Variants in TXNDC11 observed in about 807,000 individuals in gnomAD.
TXNDC11 encodes thioredoxin domain containing 11.
In TXNDC11, 68 loss-of-function variants were observed where a neutral mutation model predicts 78.0. The ratio of observed to expected loss-of-function variants is 0.87; its 90% CI spans 0.72 to 1.07. The LOEUF (loss-of-function observed/expected upper bound fraction) is 1.07, where lower values mean the gene tolerates loss of function less well. TXNDC11 is among the 50% of genes least tolerant of loss of function. TXNDC11 has a pLI of 0.00. For synonymous variants in TXNDC11, 571 were observed against 495.2 expected, an observed-to-expected ratio of 1.15 and a Z score of -2.03; for missense variants, 1,389 against 1,221.8, an observed-to-expected ratio of 1.14 and a Z score of -2.04.
At chr16:11,738,823 T>C (rs2052306457) in intron 1 of TXNDC11, among the ~76,000 whole-genome samples, 1 of 148,814 alleles carries the variant, frequency 6.7e-6, no homozygotes, top group Non-Finnish European at 1.5e-5. Flanking sequence ...AGGTCAGGAG[T>C]TTAAGACCAG....
intron 9 of TXNDC11, 97 bp from the exon 10 acceptor site, chr16:11,688,063 T>C: frequency 2.0e-6 from 2 of 1,017,660 alleles, no homozygotes; most frequent in Non-Finnish European, 3.0e-6. Context: ...ACCCGAAAAA[T>C]GCTACCTATG....
At chr16:11,683,474 ACAAG>A (rs1266903430) in intron 11 of TXNDC11, among the ~76,000 whole-genome samples, 1 of 152,208 alleles carries the variant, frequency 6.6e-6, no homozygotes, top group Non-Finnish European at 1.5e-5. Context: ...CAACTGAGAG[ACAAG>A]CAAGTGGAAG....
chr16:11,742,499 G>C lies in TXNDC11; in HGVS notation c.232C>G (p.Leu78Val). The C allele has an allele frequency of 1.4e-6, 2 of 1,453,248 alleles. No homozygotes were observed. The highest frequency in any genetic ancestry group is 2.7e-5 in the South Asian group (2 of 74,528). The allele number at this position is 1,453,248 out of a possible 1,614,324, so 90.0% of individuals were successfully genotyped here. The change falls in exon 1 of 12, where the codon CTC (leucine) becomes GTC (valine). Residue 78 changes from leucine (L) to valine (V), a missense_variant. Coordinates refer to ENST00000283033, the MANE Select transcript of TXNDC11 (RefSeq NM_015914.7). Reference sequence around the variant, plus strand: ...CACCTGCAGGTGAACTTGAGGGCGAGGAGCAGCGCGCAGCCGAGCGCCACG... The same window carrying C: ...CACCTGCAGGTGAACTTGAGGGCGACGAGCAGCGCGCAGCCGAGCGCCACG... ...GAVALGCALL[L>V]ALKFTCSRAK... is the part of the protein sequence containing the mutation.
In TXNDC11 at chr16:11,700,259, C is replaced by A. The variant is rs373829172; in HGVS notation, c.906+193G>T. ...TTTCTATACATTAATTTCAAGAGCC[C>A]TCTAATGCATGGGTTCTTAACCTGG... On this transcript the variant is annotated intron_variant, in intron 6 of 11. Transcript: ENST00000283033. Among the ~76,000 whole-genome samples the A allele has an allele frequency of 6.0e-4, 91 of 152,240 alleles. 1 individual carries two copies. The South Asian group carries it at 7.0e-3, about 12-fold the overall frequency.
chr16:11,692,133 A>G (rs2050739718), intron 7 of TXNDC11, 51 bp from the exon 8 acceptor site: 1 of 1,409,392 alleles, frequency 7.1e-7, no homozygotes, highest in East Asian at 2.3e-5. Flanking sequence ...CTGAGGGACT[A>G]GCACCCCGTT....
At chr16:11,716,084 A>G (rs4780395) in intron 5 of TXNDC11, among the ~76,000 whole-genome samples, 91,397 of 152,088 alleles carry the variant, frequency 0.6, 28,173 homozygotes, top group African/African-American at 0.71. Flanking sequence ...ATAAACAAAC[A>G]CAAACACAGA....
At chr16:11,686,789 T>C (rs2050577778) in intron 10 of TXNDC11, among the ~76,000 whole-genome samples, 1 of 152,248 alleles carries the variant, frequency 6.6e-6, no homozygotes, top group South Asian at 2.1e-4. Flanking sequence ...AGCCATCTTC[T>C]AAACCATTTT....
intron 5 of TXNDC11, among the ~76,000 whole-genome samples, chr16:11,702,252 T>A (rs1048616399): frequency 6.6e-6 from 1 of 151,896 alleles, no homozygotes; most frequent in African/African-American, 2.4e-5. Context: ...TTTCATGGAG[T>A]ATAATATTTG....
Position 11,730,512 on chromosome 16 carries a change from G to T in TXNDC11, c.699+133C>A, listed in dbSNP as rs905710391. The T allele has an allele frequency of 2.2e-5, 19 of 873,838 alleles. No homozygotes were observed. The African/African-American group carries it at 2.7e-4, about 12-fold the overall frequency. 54.1% of individuals were successfully genotyped at this position (873,838 alleles called of 1,614,324 possible). A position where few individuals can be genotyped will look rare whatever the true frequency, so the allele number is the denominator to read the frequency against. On this transcript the variant is annotated intron_variant, in intron 4 of 11. Coordinates refer to ENST00000283033, the MANE Select transcript of TXNDC11 (RefSeq NM_015914.7). ...AGTATCTCAAAAAGCATTTAACTGG[G>T]GCTGATCTATCACATGACCTTTTAC...
intron 5 of TXNDC11, among the ~76,000 whole-genome samples, chr16:11,704,499 G>C (rs1286960306): frequency 1.3e-5 from 2 of 152,156 alleles, no homozygotes; most frequent in African/African-American, 2.4e-5. Flanking sequence ...CTTTTCAGTG[G>C]AGAAACACAG....
chr16:11,728,726 G>T (rs910315056), intron 4 of TXNDC11, among the ~76,000 whole-genome samples: 1 of 152,066 alleles, frequency 6.6e-6, no homozygotes, highest in Non-Finnish European at 1.5e-5. Context: ...CAGAACGATC[G>T]CTTGAGCCGA....
intron 5 of TXNDC11, among the ~76,000 whole-genome samples, chr16:11,713,259 G>A (rs1354873318): frequency 2.7e-5 from 4 of 148,472 alleles, no homozygotes; most frequent in Non-Finnish European, 5.9e-5. Flanking sequence ...TCCAGCCTGG[G>A]CACAGAGTGA....
In TXNDC11 at chr16:11,691,897, C is replaced by T; in HGVS notation, c.1293G>A (p.Gln431=). 1 of 1,614,170 alleles carries T rather than the reference C, an allele frequency of 6.2e-7. No homozygotes were observed. Among genetic ancestry groups the T allele is most frequent in the Non-Finnish European group, 8.5e-7 (1 of 1,179,976 alleles). The change falls in exon 8 of 12, where the codon CAG becomes CAA. Residue 431 remains glutamine (Q), a synonymous_variant. Transcript: ENST00000283033. The stretch of plus-strand genomic sequence containing the variant: ...TGTGGGTCCTGGAGAAGGAGTGCCA[C>T]TGGGGCAGCACCACAGTGTTGCAGC... ...SPCCNTVVLP[Q]WHSFSRTHNV...
Position 11,703,549 on chromosome 16 carries a change from G to A in TXNDC11, c.794-2985C>T, listed in dbSNP as rs567083281. On this transcript the variant is annotated intron_variant, in intron 5 of 11. Coordinates refer to ENST00000283033, the MANE Select transcript of TXNDC11 (RefSeq NM_015914.7). ...ACACACACACACACACACACAGAGG[G>A]AGAGAGAGGGGATGGATAGAGAAAT... 1.5e-4 allele frequency: 89 copies of A among 589,828 alleles called. 1 individual carries two copies. The South Asian group carries it at 1.7e-3, about 11-fold the overall frequency. The allele number at this position is 589,828 out of a possible 1,614,324, so 36.5% of individuals were successfully genotyped here. A position where few individuals can be genotyped will look rare whatever the true frequency, so the allele number is the denominator to read the frequency against.
chr16:11,713,110 GAAA>G (rs35333554), intron 5 of TXNDC11, among the ~76,000 whole-genome samples: 10,709 of 111,748 alleles, frequency 0.096, 532 homozygotes, highest in East Asian at 0.17. Context: ...TCTGTCTCAG[GAAA>G]AAAAAAAAAA....
At chr16:11,683,855 G>T (rs2050497179) in intron 11 of TXNDC11, among the ~76,000 whole-genome samples, 1 of 150,600 alleles carries the variant, frequency 6.6e-6, no homozygotes, top group African/African-American at 2.5e-5. Flanking sequence ...AGGTTCAAGA[G>T]ATTCTCGTGC....
At chr16:11,699,913 G>A (rs1445700857) in intron 6 of TXNDC11, among the ~76,000 whole-genome samples, 1 of 152,238 alleles carries the variant, frequency 6.6e-6, no homozygotes, top group Non-Finnish European at 1.5e-5. Context: ...CTGAGTTCAG[G>A]CTGCTCCACA....
intron 5 of TXNDC11, among the ~76,000 whole-genome samples, chr16:11,709,625 C>T (rs1461159375): frequency 6.6e-6 from 1 of 151,208 alleles, no homozygotes; most frequent in African/African-American, 2.4e-5. Flanking sequence ...TTAGTAGAGA[C>T]GGGGTTTCAC....
chr16:11,688,009 G>A, intron 9 of TXNDC11, 43 bp from the exon 10 acceptor site: 1 of 1,409,422 alleles, frequency 7.1e-7, no homozygotes, highest in Non-Finnish European at 1.0e-6. Flanking sequence ...CCGGGAAATG[G>A]GCTCTTCTTC....
Sources: gnomAD v4.1 joint callset for allele counts (sites outside exome capture counted in the v4.1 genomes callset) on GRCh38, gnomAD v4.1.1 for gene constraint, MANE v1.5 for transcripts, NCBI Gene and HGNC (gene_info 2026-07-23, HGNC 2026-07-21) for gene names.